Variants in GNG7 observed in about 807,000 individuals in gnomAD.
GNG7 encodes the protein G protein subunit gamma 7.
In GNG7, 1 loss-of-function variant was observed where a neutral mutation model predicts 4.0. The ratio of observed to expected loss-of-function variants is 0.25; its 90% CI spans 0.09 to 1.18. GNG7 has a LOEUF of 1.18. Ranked by LOEUF, GNG7 falls within the 50% of genes most tolerant of loss-of-function variation. The pLI, the probability that GNG7 is intolerant of heterozygous loss-of-function variation, is 0.50. For synonymous variants in GNG7, 34 were observed against 36.9 expected (o/e 0.92, Z 0.29); for missense variants, 86 against 91.9 (o/e 0.94, Z 0.26).
Position 2,587,326 on chromosome 19 carries a change from C to T in GNG7, c.-77-32138G>A, listed in dbSNP as rs182092582. Among the ~76,000 whole-genome samples, 36 of 152,268 alleles carry T rather than the reference C, an allele frequency of 2.4e-4. No individual in the cohort carries two copies. In the East Asian group the frequency reaches 6.4e-3, roughly 27 times the overall value. ...TGTCCCTCCGACCTCACCTGCGTAC[C>T]CTGCGTTGCTTCCTCTGCCGGGGAA... On this transcript the variant is annotated intron_variant, in intron 2 of 4. Transcript: ENST00000382159.
At chr19:2,554,560 T>TATATATATATATA (rs199822641) in intron 3 of GNG7, among the ~76,000 whole-genome samples, 1 of 63,944 alleles carries the variant, frequency 1.6e-5, no homozygotes, top group African/African-American at 6.3e-5. Flanking sequence ...TATATATATA[T>TATATATATATATA]TTTTTTTTTT....
At chr19:2,656,274 AACCAACCT>A (rs1982971086) in intron 1 of GNG7, among the ~76,000 whole-genome samples, 1 of 152,202 alleles carries the variant, frequency 6.6e-6, no homozygotes, top group Non-Finnish European at 1.5e-5. Flanking sequence ...CGAGATAGGA[AACCAACCT>A]ACATGTCCAT....
chr19:2,642,415 G>C, intron 2 of GNG7: 2 of 282,070 alleles, frequency 7.1e-6, no homozygotes, highest in South Asian at 7.2e-5. Context: ...GCCCAGGTTG[G>C]AGTGCAGTGG....
chr19:2,655,561 G>A (rs939946424), intron 1 of GNG7, among the ~76,000 whole-genome samples: 3 of 151,890 alleles, frequency 2.0e-5, no homozygotes, highest in East Asian at 3.9e-4. Context: ...AAATTAGGCC[G>A]GGTGCGGTGG....
At chr19:2,621,947 G>A (rs558745270) in intron 2 of GNG7, among the ~76,000 whole-genome samples, 114 of 152,208 alleles carry the variant, frequency 7.5e-4, no homozygotes, top group African/African-American at 2.6e-3. Context: ...GATACTTCCG[G>A]GTCTGTGGTC....
intron 3 of GNG7, chr19:2,538,074 C>CA: frequency 3.4e-6 from 1 of 293,524 alleles, no homozygotes; most frequent in Non-Finnish European, 6.4e-6. Context: ...AAGACTCTCT[C>CA]TCAAACAAAA....
intron 2 of GNG7, among the ~76,000 whole-genome samples, chr19:2,564,918 C>G (rs945862836): frequency 1.3e-5 from 2 of 150,800 alleles, no homozygotes; most frequent in South Asian, 2.1e-4. Context: ...AGGCCAGATG[C>G]GGTGGCTCAT....
intron 1 of GNG7, among the ~76,000 whole-genome samples, chr19:2,673,948 T>G (rs1424541350): frequency 6.6e-6 from 1 of 152,072 alleles, no homozygotes; most frequent in Non-Finnish European, 1.5e-5. Context: ...ATAGGCTGTT[T>G]CCAAAATTCA....
At position 2,557,102 on chromosome 19, in the gene GNG7, C is replaced by A. The variant is rs1979573885; in HGVS notation, c.-77-1914G>T. Among the ~76,000 whole-genome samples, 1 of 151,144 alleles carries A rather than the reference C, an allele frequency of 6.6e-6. No homozygotes were observed. Among genetic ancestry groups the A allele is most frequent in the Non-Finnish European group, 1.5e-5 (1 of 67,902 alleles). ...GCACACACGTGCACACAGGAATACTCAGACACACGCACACACGTACACACG... is the reference window on the plus strand; with the variant it reads ...GCACACACGTGCACACAGGAATACTAAGACACACGCACACACGTACACACG... On this transcript the variant is annotated intron_variant, in intron 2 of 4. Transcript: ENST00000382159. The surrounding 1 kb of genome is among the most constrained non-coding windows in gnomAD (Gnocchi z 5.1).
At chr19:2,696,308 A>AAGAAAGAT (rs1454125867) in intron 1 of GNG7, among the ~76,000 whole-genome samples, 7 of 140,478 alleles carry the variant, frequency 5.0e-5, no homozygotes, top group Non-Finnish European at 9.1e-5. Context: ...GAAAGAAAGA[A>AAGAAAGAT]AGAAAGAAAG....
chr19:2,690,751 G>A (rs1410677530), intron 1 of GNG7, among the ~76,000 whole-genome samples: 1 of 152,038 alleles, frequency 6.6e-6, no homozygotes, highest in Non-Finnish European at 1.5e-5. Context: ...GCACCACCAC[G>A]CCCAACTAAG....
At chr19:2,661,616 T>G (rs1413126785) in intron 1 of GNG7, among the ~76,000 whole-genome samples, 5 of 143,788 alleles carry the variant, frequency 3.5e-5, no homozygotes, top group African/African-American at 1.3e-4. Flanking sequence ...GAGGTTGCAG[T>G]GAGCCAAGAT....
At position 2,641,355 on chromosome 19, in the gene GNG7, C is replaced by T. The variant is rs541303692; in HGVS notation, c.-78+4869G>A. 7.9e-5 allele frequency among the ~76,000 whole-genome samples: 12 copies of T among 152,268 alleles called. 1 individual carries two copies. Among genetic ancestry groups the T allele is most frequent in the Admixed American group, 2.6e-4 (4 of 15,298 alleles). ...AGGTCAGCTCCATGTCAAAAGGGAC[C>T]GCAGATGGGATGAAGTTAAGGATCG... On this transcript the variant is annotated intron_variant, in intron 2 of 4. Coordinates refer to ENST00000382159, the MANE Select transcript of GNG7 (RefSeq NM_052847.3).
At position 2,546,780 on chromosome 19, in the gene GNG7, T is replaced by C. The variant is rs1979141777; in HGVS notation, c.-38+8369A>G. 6.6e-6 allele frequency among the ~76,000 whole-genome samples: 1 copy of C among 152,160 alleles called. No individual in the cohort carries two copies. The highest frequency in any genetic ancestry group is 1.5e-5 in the Non-Finnish European group (1 of 68,018). On this transcript the variant is annotated intron_variant, in intron 3 of 4. Transcript: ENST00000382159. The surrounding 1 kb of genome is among the most constrained non-coding windows in gnomAD (Gnocchi z 6.3). ...GCAGGAGAAAAGAAAAGCTGCTCTC[T>C]GTCCACCCGGCGGTGGGGTCGGCGG...
At chr19:2,685,985 A>G (rs1317275577) in intron 1 of GNG7, among the ~76,000 whole-genome samples, 1 of 151,958 alleles carries the variant, frequency 6.6e-6, no homozygotes, top group Admixed American at 6.6e-5. Flanking sequence ...AGGACACTCC[A>G]ACCCCACCTC....
rs754605877 is a variant in GNG7 at position 2,673,257 on chromosome 19, C to CAAA, written c.-134-26980_-134-26978dup. Among the ~76,000 whole-genome samples, 171 of 107,736 alleles carry CAAA rather than the reference C, an allele frequency of 1.6e-3. 2 individuals carry two copies. Among genetic ancestry groups the CAAA allele is most frequent in the Middle Eastern group, 5.5e-3 (1 of 182 alleles). 70.7% of individuals were successfully genotyped at this position (107,736 alleles called of 152,430 possible). A position where few individuals can be genotyped will look rare whatever the true frequency, so the allele number is the denominator to read the frequency against. On this transcript the variant is annotated intron_variant, in intron 1 of 4. Transcript: ENST00000382159. ...TGGGTGACAGAGCGAGATTCCATCTCAAAAAAAAAACAAAACAAAACAAAA... is the reference window on the plus strand; with the variant it reads ...TGGGTGACAGAGCGAGATTCCATCTCAAAAAAAAAAAAACAAAACAAAACAAAA...
chr19:2,602,197 C>T (rs1365022435), intron 2 of GNG7, among the ~76,000 whole-genome samples: 3 of 152,126 alleles, frequency 2.0e-5, no homozygotes, highest in African/African-American at 7.2e-5. Flanking sequence ...ATTAGCCGGG[C>T]GTGGTGGTGC....
chr19:2,540,539 G>T (rs565278160), intron 3 of GNG7, among the ~76,000 whole-genome samples: 1 of 152,346 alleles, frequency 6.6e-6, no homozygotes, highest in South Asian at 2.1e-4. Context: ...CCCTGCTCGG[G>T]GGTGGGTGGG....
At position 2,617,722 on chromosome 19, in the gene GNG7, A is replaced by ATTT. The variant is rs80256787; in HGVS notation, c.-78+28499_-78+28501dup. Among the ~76,000 whole-genome samples the ATTT allele has an allele frequency of 7.2e-6, 1 of 139,296 alleles. No homozygotes were observed. The highest frequency in any genetic ancestry group is 2.6e-5 in the African/African-American group (1 of 38,260). The allele number at this position is 139,296 out of a possible 152,430, so 91.4% of individuals were successfully genotyped here. On this transcript the variant is annotated intron_variant, in intron 2 of 4. Coordinates refer to ENST00000382159, the MANE Select transcript of GNG7 (RefSeq NM_052847.3). The surrounding 1 kb of genome is among the most constrained non-coding windows in gnomAD (Gnocchi z 4.7). ...CATCCTATTTTGTCTTTTCCTTTTT[A>ATTT]TTTTTTTTTTTTTTGAGATAGGGTC...
Sources: allele counts gnomAD v4.1 joint callset (sites outside exome capture counted in the v4.1 genomes callset), GRCh38; gene constraint gnomAD v4.1.1; non-coding constraint Gnocchi (gnomAD v3.1); transcripts MANE v1.5; gene names NCBI Gene and HGNC (gene_info 2026-07-23, HGNC 2026-07-21).